The following RNF169 variants were observed in gnomAD, a reference collection of about 807,000 sequenced individuals.
RNF169 encodes the protein E3 ubiquitin-protein ligase RNF169.
RNF169 carries 24 observed loss-of-function variants against 53.9 expected under a neutral mutation model. The ratio of observed to expected loss-of-function variants is 0.45; its 90% CI spans 0.32 to 0.63. The LOEUF (loss-of-function observed/expected upper bound fraction) is 0.63, where lower values mean the gene tolerates loss of function less well. Among genes scored for constraint, RNF169 ranks in the 20% least tolerant of loss-of-function variants. The pLI is 0.04. For synonymous variants in RNF169, 396 were observed against 363.5 expected (o/e 1.09, Z -1.02); for missense variants, 883 against 906.2 (o/e 0.97, Z 0.33).
At chr11:74,823,660 C>T (rs543642670) in intron 4 of RNF169, among the ~76,000 whole-genome samples, 1 of 151,378 alleles carries the variant, frequency 6.6e-6, no homozygotes, top group Admixed American at 6.6e-5. Flanking sequence ...TCTCTTGAGC[C>T]CAGGAGATAG....
intron 4 of RNF169, among the ~76,000 whole-genome samples, chr11:74,829,305 C>T (rs1430634500): frequency 6.6e-6 from 1 of 152,180 alleles, no homozygotes; most frequent in East Asian, 1.9e-4. Context: ...CCATCTCACA[C>T]CAGTCAGAAT....
intron 1 of RNF169, among the ~76,000 whole-genome samples, chr11:74,754,800 A>G (rs182635978): frequency 2.0e-4 from 30 of 152,346 alleles, no homozygotes; most frequent in African/African-American, 6.7e-4. Flanking sequence ...AGTCTGGGCG[A>G]CAGAGCGAGA....
intron 1 of RNF169, among the ~76,000 whole-genome samples, chr11:74,763,545 C>A (rs2035123468): frequency 6.6e-6 from 1 of 152,054 alleles, no homozygotes; most frequent in African/African-American, 2.4e-5. Flanking sequence ...TGAAAAATGT[C>A]ATTGAGGTTA....
intron 2 of RNF169, among the ~76,000 whole-genome samples, chr11:74,804,868 A>G (rs1405958045): frequency 6.6e-6 from 1 of 152,238 alleles, no homozygotes; most frequent in African/African-American, 2.4e-5. Flanking sequence ...TCTAACTAGT[A>G]AGGTTTAAAA....
chr11:74,836,702 G>A lies in RNF169; in HGVS notation c.2099G>A (p.Arg700Gln), dbSNP rs768697499. ...GGAAGTGTGGATCAGTATCTCCTAC[G>A]GTCCAGCAACATGGCCGGGGCCAAG... ...RKGSVDQYLL[R>Q]SSNMAGAK The change falls in exon 6 of 6, where the codon CGG becomes CAG. Residue 700 changes from arginine (R) to glutamine (Q), a missense_variant. Around this residue, in one of 3 missense-constraint regions of RNF169, gnomAD observed 351 missense variants for 337.3 expected, o/e 1.04. Coordinates refer to ENST00000299563, the MANE Select transcript of RNF169 (RefSeq NM_001098638.2). 15 of 1,611,502 alleles carry A rather than the reference G, an allele frequency of 9.3e-6. No homozygotes were observed. The highest frequency in any genetic ancestry group is 6.7e-5 in the East Asian group (3 of 44,866).
chr11:74,782,292 G>A (rs1285196548), intron 1 of RNF169, among the ~76,000 whole-genome samples: 1 of 152,144 alleles, frequency 6.6e-6, no homozygotes, highest in African/African-American at 2.4e-5. Context: ...TGAAGAGGTA[G>A]GCAGATCCAC....
chr11:74,811,133 C>CA (rs879703793), intron 3 of RNF169, among the ~76,000 whole-genome samples: 61 of 144,980 alleles, frequency 4.2e-4, no homozygotes, highest in South Asian at 2.0e-3. Flanking sequence ...AGAGTGGAGG[C>CA]AAAAAAAAAA....
In RNF169 at chr11:74,817,571, GTTGTCTCCC is replaced by G; in HGVS notation, c.724-14_724-6del. 6.9e-7 allele frequency: 1 copy of G among 1,457,320 alleles called. No individual in the cohort carries two copies. Among genetic ancestry groups the G allele is most frequent in the Non-Finnish European group, 9.6e-7 (1 of 1,036,994 alleles). 90.3% of individuals were successfully genotyped at this position (1,457,320 alleles called of 1,614,324 possible). ...GCCTTGGGAACTCCAAATGGACAGT[GTTGTCTCCC>G]TTGTCTCCCTGCCAGTGTCCTGCAC... On this transcript the variant is annotated splice_polypyrimidine_tract_variant and intron_variant, in intron 3 of 5. Coordinates refer to ENST00000299563, the MANE Select transcript of RNF169 (RefSeq NM_001098638.2).
chr11:74,756,669 A>C (rs2034988069), intron 1 of RNF169, among the ~76,000 whole-genome samples: 1 of 152,222 alleles, frequency 6.6e-6, no homozygotes, highest in Non-Finnish European at 1.5e-5. Context: ...TAGTACATTT[A>C]AAGGCATAGG....
chr11:74,762,793 G>A (rs2035109330), intron 1 of RNF169, among the ~76,000 whole-genome samples: 1 of 152,118 alleles, frequency 6.6e-6, no homozygotes, highest in South Asian at 2.1e-4. Flanking sequence ...GGAAAGATAG[G>A]AAAATCTCGT....
chr11:74,798,866 G>C (rs2035687768), intron 2 of RNF169, among the ~76,000 whole-genome samples: 2 of 151,992 alleles, frequency 1.3e-5, no homozygotes, highest in South Asian at 4.1e-4. Context: ...TTCCCTGATA[G>C]TAGTGAGACC....
At chr11:74,762,568 C>G (rs2035104083) in intron 1 of RNF169, among the ~76,000 whole-genome samples, 1 of 152,210 alleles carries the variant, frequency 6.6e-6, no homozygotes, top group Non-Finnish European at 1.5e-5. Flanking sequence ...GCAGAAATCA[C>G]CCGTCTTCTG....
chr11:74,791,318 T>A (rs1045102091), intron 2 of RNF169, among the ~76,000 whole-genome samples: 4 of 143,080 alleles, frequency 2.8e-5, no homozygotes, highest in African/African-American at 1.1e-4. Context: ...AAGTTCTCAC[T>A]CCAGTCTGCA....
intron 4 of RNF169, among the ~76,000 whole-genome samples, chr11:74,825,938 T>G (rs1229038997): frequency 1.3e-5 from 2 of 152,088 alleles, no homozygotes; most frequent in Non-Finnish European, 2.9e-5. Context: ...TCAGGAAACT[T>G]ACAATCATGG....
chr11:74,808,342 G>A (rs371055604), intron 2 of RNF169, among the ~76,000 whole-genome samples: 2 of 152,170 alleles, frequency 1.3e-5, no homozygotes, highest in East Asian at 3.8e-4. Context: ...GTAATATTTA[G>A]TTTTCTTAAA....
intron 1 of RNF169, among the ~76,000 whole-genome samples, chr11:74,762,708 A>G (rs2035107724): frequency 6.6e-6 from 1 of 152,262 alleles, no homozygotes; most frequent in Non-Finnish European, 1.5e-5. Flanking sequence ...AAATGGAACT[A>G]CAAACCAAAA....
intron 1 of RNF169, among the ~76,000 whole-genome samples, chr11:74,759,867 A>C (rs1187241540): frequency 1.3e-5 from 2 of 151,896 alleles, no homozygotes; most frequent in East Asian, 1.9e-4. Context: ...ATTGATTGGA[A>C]TAGTTTCAGA....
intron 3 of RNF169, among the ~76,000 whole-genome samples, chr11:74,813,937 G>A (rs1002017609): frequency 1.3e-5 from 2 of 152,076 alleles, no homozygotes; most frequent in Non-Finnish European, 2.9e-5. Flanking sequence ...TGATCCGCCC[G>A]CCTCAGCCTC....
rs1473599818 is a variant in RNF169, at chr11:74,774,338, CCT to C, written c.503-15287_503-15286del. Among the ~76,000 whole-genome samples the C allele has an allele frequency of 4.9e-5, 7 of 142,892 alleles. No homozygotes were observed. The Admixed American group carries it at 4.9e-4, about 10-fold the overall frequency. 93.7% of individuals were successfully genotyped at this position (142,892 alleles called of 152,430 possible). ...TCCAGCCTGGATGACAGAGTGAGAC[CCT>C]GTTTCAAAAAAAAAAAACCCAAAAA... On this transcript the variant is annotated intron_variant, in intron 1 of 5. Coordinates refer to ENST00000299563, the MANE Select transcript of RNF169 (RefSeq NM_001098638.2).
Sources: gnomAD v4.1 joint callset for allele counts (sites outside exome capture counted in the v4.1 genomes callset) on GRCh38, gnomAD v4.1.1 for gene constraint, gnomAD v4.1.1 regional missense constraint, MANE v1.5 for transcripts, NCBI Gene and HGNC (gene_info 2026-07-23, HGNC 2026-07-21) for gene names.